Variants in LRRC4C observed in about 807,000 individuals in gnomAD.
The protein encoded by LRRC4C is leucine rich repeat containing 4C.
In LRRC4C, 5 loss-of-function variants were observed where a neutral mutation model predicts 33.6. The ratio of observed to expected loss-of-function variants is 0.15; its 90% CI spans 0.08 to 0.31. The LOEUF (loss-of-function observed/expected upper bound fraction) is 0.31, where lower values mean the gene tolerates loss of function less well. Among genes scored for constraint, LRRC4C ranks in the 10% least tolerant of loss-of-function variants. The pLI, the probability that LRRC4C is intolerant of heterozygous loss-of-function variation, is 1.00. For missense variants in LRRC4C, 560 were observed against 796.7 expected (o/e 0.70, Z 3.58); for synonymous variants, 329 against 302.0 (o/e 1.09, Z -0.93).
At chr11:40,465,464 T>C (rs114573647) in intron 3 of LRRC4C, among the ~76,000 whole-genome samples, 2,215 of 151,806 alleles carry the variant, frequency 0.015, 46 homozygotes, top group African/African-American at 0.05. Context: ...TTAATTAAAC[T>C]AAAAAACCTT....
chr11:41,279,274 G>A, intron 1 of LRRC4C, among the ~76,000 whole-genome samples: 1 of 151,854 alleles, frequency 6.6e-6, no homozygotes, highest in East Asian at 1.9e-4. Flanking sequence ...GAACATATGA[G>A]TGTTTTGTGT....
Position 40,129,422 on chromosome 11 carries a change from A to G in LRRC4C, c.-43+11379T>C, listed in dbSNP as rs554241430. Among the ~76,000 whole-genome samples, 10 of 152,112 alleles carry G rather than the reference A, an allele frequency of 6.6e-5. No homozygotes were observed. The East Asian group carries it at 1.9e-3, about 29-fold the overall frequency. On this transcript the variant is annotated intron_variant, in intron 6 of 6. Coordinates refer to ENST00000528697, the MANE Select transcript of LRRC4C (RefSeq NM_001258419.2). ...TTTCCCTATTTCTTTTTCTCTGTCT[A>G]TTATTATCAGTAGCAGCCCTGTTTT... is the stretch of plus-strand genomic sequence containing the variant.
intron 2 of LRRC4C, among the ~76,000 whole-genome samples, chr11:40,665,325 AAT>A (rs1160594156): frequency 0.014 from 182 of 13,418 alleles, no homozygotes; most frequent in South Asian, 0.03. Context: ...AAAAAAAAAA[AAT>A]ATATATATAT....
intron 2 of LRRC4C, among the ~76,000 whole-genome samples, chr11:40,749,975 A>G (rs897683156): frequency 1.3e-5 from 2 of 152,156 alleles, no homozygotes; most frequent in Non-Finnish European, 2.9e-5. Flanking sequence ...ATTAGTAACG[A>G]CATTGAATCA....
rs529605875 is a variant in LRRC4C at position 40,747,936 on chromosome 11, A to G, written c.-406-99658T>C. Among the ~76,000 whole-genome samples, 46 of 152,272 alleles carry G rather than the reference A, an allele frequency of 3.0e-4. No individual in the cohort carries two copies. The South Asian group carries it at 9.1e-3, about 30-fold the overall frequency. On this transcript the variant is annotated intron_variant, in intron 2 of 6. Coordinates refer to ENST00000528697, the MANE Select transcript of LRRC4C (RefSeq NM_001258419.2). ...CATAAAGTGACCAAATCTTTAAATT[A>G]TCAGAGTCCCAAGAGGCAAAGAGAG... is the stretch of plus-strand genomic sequence containing the variant.
chr11:41,351,236 TACACACACACACACATACACACACAC>T (rs1332365132), intron 1 of LRRC4C, among the ~76,000 whole-genome samples: 1 of 111,046 alleles, frequency 9.0e-6, no homozygotes. Flanking sequence ...CACACACACA[TACACACACACACACATACACACACAC>T]ACACACACAT....
chr11:40,761,028 G>A (rs985904680), intron 2 of LRRC4C, among the ~76,000 whole-genome samples: 1 of 151,384 alleles, frequency 6.6e-6, no homozygotes, highest in Non-Finnish European at 1.5e-5. Flanking sequence ...AGACATGATG[G>A]AATATTTTAT....
intron 3 of LRRC4C, among the ~76,000 whole-genome samples, chr11:40,600,403 G>C (rs1959863733): frequency 6.6e-6 from 1 of 152,232 alleles, no homozygotes; most frequent in Non-Finnish European, 1.5e-5. Context: ...GAACTCAAAA[G>C]CAGGTCTGTT....
chr11:40,668,859 A>G (rs1330365770), intron 2 of LRRC4C, among the ~76,000 whole-genome samples: 1 of 152,178 alleles, frequency 6.6e-6, no homozygotes, highest in African/African-American at 2.4e-5. Context: ...CCATGGGGCT[A>G]GATGAATTGA....
chr11:40,914,342 A>G (rs1956841624), intron 2 of LRRC4C, among the ~76,000 whole-genome samples: 1 of 152,228 alleles, frequency 6.6e-6, no homozygotes, highest in Non-Finnish European at 1.5e-5. Context: ...CAAAAAGCTT[A>G]TCCACCATGA....
At chr11:41,307,954 C>G (rs566385593) in intron 1 of LRRC4C, among the ~76,000 whole-genome samples, 15 of 152,256 alleles carry the variant, frequency 9.9e-5, no homozygotes, top group African/African-American at 3.6e-4. Flanking sequence ...GTGTCTCCAT[C>G]GCCCACATTC....
At chr11:41,021,396 CA>C (rs1418736593) in intron 1 of LRRC4C, among the ~76,000 whole-genome samples, 1 of 151,682 alleles carries the variant, frequency 6.6e-6, no homozygotes, top group East Asian at 1.9e-4. Flanking sequence ...TAAACAAGAA[CA>C]AAATTAACAA....
intron 2 of LRRC4C, among the ~76,000 whole-genome samples, chr11:40,721,185 C>T (rs4284386): frequency 0.56 from 85,318 of 151,852 alleles, 24,225 homozygotes; most frequent in African/African-American, 0.62. Context: ...ATCCCCAGTG[C>T]GGTGGAATTT....
At chr11:40,966,315 G>A (rs951982819) in intron 1 of LRRC4C, among the ~76,000 whole-genome samples, 1 of 151,916 alleles carries the variant, frequency 6.6e-6, no homozygotes, top group African/African-American at 2.4e-5. Flanking sequence ...TGGCATTGAA[G>A]AAAGTGAGTT....
Position 40,461,770 on chromosome 11 carries a change from C to T in LRRC4C, c.-269-142049G>A, listed in dbSNP as rs1021762291. On this transcript the variant is annotated intron_variant, in intron 3 of 6. Transcript: ENST00000528697. ...TAAAATATTTGCATGTAGTCTTACA[C>T]GGACCTTGTATTTGGTGAAGATTAT... Among the ~76,000 whole-genome samples, 8 of 150,508 alleles carry T rather than the reference C, an allele frequency of 5.3e-5. No homozygotes were observed. In the East Asian group the frequency reaches 5.8e-4, roughly 11 times the overall value.
chr11:40,114,813 T>A lies in LRRC4C; in HGVS notation c.1480A>T (p.Thr494Ser). 1 of 1,614,132 alleles carries A rather than the reference T, an allele frequency of 6.2e-7. No homozygotes were observed. Among genetic ancestry groups the A allele is most frequent in the South Asian group, 1.1e-5 (1 of 91,082 alleles). The part of the protein sequence containing the change: ...WETTNVTTSL[T>S]PQSTRSTEKT... The stretch of plus-strand genomic sequence containing the variant: ...TCTGTCGACCTTGTGCTCTGTGGTG[T>A]GAGAGAGGTGGTCACATTGGTGGTC... Residue 494 changes from threonine to serine, a missense_variant, in exon 7 of 7, where the codon ACA (threonine) becomes TCA (serine). Around this residue, in one of 3 missense-constraint regions of LRRC4C, gnomAD observed 455 missense variants for 643.8 expected, o/e 0.71. Transcript: ENST00000528697.
intron 1 of LRRC4C, among the ~76,000 whole-genome samples, chr11:41,098,920 G>A (rs1467796192): frequency 4.6e-5 from 7 of 151,842 alleles, no homozygotes; most frequent in African/African-American, 1.7e-4. Flanking sequence ...AAAAAAAATT[G>A]ATAAGATAGA....
At chr11:40,992,801 C>T (rs1185246148) in intron 1 of LRRC4C, among the ~76,000 whole-genome samples, 3 of 152,080 alleles carry the variant, frequency 2.0e-5, no homozygotes, top group Non-Finnish European at 4.4e-5. Flanking sequence ...TTTATTTCTC[C>T]ATCTTCCTCA....
chr11:41,283,843 A>G (rs903521855), intron 1 of LRRC4C, among the ~76,000 whole-genome samples: 1 of 152,242 alleles, frequency 6.6e-6, no homozygotes, highest in African/African-American at 2.4e-5. Context: ...TACATGTGAC[A>G]CTAGAAAATA....
Sources: gnomAD v4.1 joint callset for allele counts (sites outside exome capture counted in the v4.1 genomes callset) on GRCh38, gnomAD v4.1.1 for gene constraint, gnomAD v4.1.1 regional missense constraint, MANE v1.5 for transcripts, NCBI Gene and HGNC (gene_info 2026-07-23, HGNC 2026-07-21) for gene names.